The following ZFC3H1 variants were observed in gnomAD, a reference collection of about 807,000 sequenced individuals.
ZFC3H1 encodes zinc finger C3H1-type containing.
A neutral mutation model predicts 243.7 loss-of-function variants in ZFC3H1; 71 were observed. The ratio of observed to expected loss-of-function variants is 0.29; its 90% CI spans 0.24 to 0.36. The LOEUF (loss-of-function observed/expected upper bound fraction) is 0.36, where lower values mean the gene tolerates loss of function less well. Among genes scored for constraint, ZFC3H1 ranks in the 10% least tolerant of loss-of-function variants. The probability of loss-of-function intolerance (pLI) is 1.00; values close to 1 mark genes in which losing one functional copy is unlikely to be tolerated. For synonymous variants in ZFC3H1, 838 were observed against 813.0 expected (o/e 1.03, Z -0.52); for missense variants, 1,966 against 2,317.1 (o/e 0.85, Z 3.11).
At position 71,627,909 on chromosome 12, in the gene ZFC3H1, A is replaced by T; in HGVS notation, c.3972T>A (p.Asn1324Lys). Reference protein sequence around the residue: ...KYAFQPENQINVPALDTVVTP... With the variant: ...KYAFQPENQIKVPALDTVVTP... ...TGACAACTGTATCCAGAGCTGGAAC[A>T]TTTATTTGGTTCTCTGGCTGGAAAG... The change falls in exon 21 of 35, where the codon AAT (asparagine) becomes AAA (lysine). Residue 1324 changes from asparagine (N) to lysine (K), a missense_variant. By Grantham distance (94) the Asn-to-Lys change is moderately conservative. Coordinates refer to ENST00000378743, the MANE Select transcript of ZFC3H1 (RefSeq NM_144982.5). The T allele has an allele frequency of 6.2e-7, 1 of 1,612,562 alleles. No homozygotes were observed. Among genetic ancestry groups the T allele is most frequent in the Non-Finnish European group, 8.5e-7 (1 of 1,179,582 alleles).
At chr12:71,626,494 A>G in intron 21 of ZFC3H1, 48 bp from the exon 22 acceptor site, 1 of 1,509,870 alleles carries the variant, frequency 6.6e-7, no homozygotes, top group Middle Eastern at 1.9e-4. Flanking sequence ...AACCTGCTTG[A>G]AAATTTAAAT....
chr12:71,634,585 T>C, intron 11 of ZFC3H1, 119 bp downstream of exon 11: 1 of 1,207,152 alleles, frequency 8.3e-7, no homozygotes, highest in Non-Finnish European at 1.1e-6. Context: ...TTATAAAACA[T>C]TAACTCTGTA....
intron 10 of ZFC3H1, among the ~76,000 whole-genome samples, chr12:71,635,090 A>C (rs923505293): frequency 2.6e-5 from 4 of 152,232 alleles, no homozygotes; most frequent in Non-Finnish European, 1.5e-5. Flanking sequence ...AAAAAACGAT[A>C]AAAGTTGTAC....
chr12:71,650,366 C>T (rs1183278136), intron 2 of ZFC3H1, among the ~76,000 whole-genome samples: 1 of 152,136 alleles, frequency 6.6e-6, no homozygotes, highest in Non-Finnish European at 1.5e-5. Context: ...CAGGTTTAAA[C>T]TGATCAAATG....
chr12:71,649,956 A>G (rs909214498), intron 2 of ZFC3H1, among the ~76,000 whole-genome samples: 2 of 152,254 alleles, frequency 1.3e-5, no homozygotes, highest in African/African-American at 2.4e-5. Context: ...TGGGAGGCCA[A>G]GGCGGGTGGA....
intron 6 of ZFC3H1, 38 bp from the exon 7 acceptor site, chr12:71,638,553 A>T (rs1744147341): frequency 8.2e-6 from 12 of 1,462,082 alleles, no homozygotes; most frequent in Non-Finnish European, 1.1e-5. Flanking sequence ...TAATAACAGA[A>T]ATACTTCATC....
Position 71,663,693 on chromosome 12 carries a change from A to C in ZFC3H1, c.-83T>G. On this transcript the variant is annotated 5_prime_UTR_variant, in exon 1 of 35. Transcript: ENST00000378743. ...ATTGCCTCGTTTCCCTTCTTTCCTA[A>C]CGGACTGGGTCGGTGCGGTCTTACC... 4 of 1,489,214 alleles carry C rather than the reference A, an allele frequency of 2.7e-6. No individual in the cohort carries two copies. Among genetic ancestry groups the C allele is most frequent in the Non-Finnish European group, 2.7e-6 (3 of 1,099,706 alleles). The allele number at this position is 1,489,214 out of a possible 1,614,324, so 92.3% of individuals were successfully genotyped here.
At chr12:71,613,232 T>G (rs377495231) in intron 31 of ZFC3H1, 103 bp downstream of exon 31, 8 of 745,112 alleles carry the variant, frequency 1.1e-5, no homozygotes, top group African/African-American at 7.2e-5. Flanking sequence ...CATGAGGACA[T>G]AGTGGAACAA....
chr12:71,622,017 T>A (rs534733122), intron 24 of ZFC3H1, among the ~76,000 whole-genome samples: 40 of 152,326 alleles, frequency 2.6e-4, no homozygotes, highest in Admixed American at 6.5e-4. Context: ...TTCTTGACAA[T>A]CAAGTATCAT....
chr12:71,632,460 A>G lies in ZFC3H1; in HGVS notation c.2872T>C (p.Ser958Pro). 6.2e-7 allele frequency: 1 copy of G among 1,600,758 alleles called. No homozygotes were observed. The highest frequency in any genetic ancestry group is 8.5e-7 in the Non-Finnish European group (1 of 1,178,620). ...TTCTCCATAGCAATTAGTTCTGCTG[A>G]ATGCTTTCTTGGACTTGATACTGGA... The part of the protein sequence containing the change: ...SSPVSSPRKH[S>P]AELIAMEKRR... The change falls in exon 15 of 35, where the codon TCA (serine) becomes CCA (proline). Residue 958 changes from serine (S) to proline (P), a missense_variant. Around this residue, in one of 4 missense-constraint regions of ZFC3H1, gnomAD observed 1,383 missense variants for 1,723.7 expected, o/e 0.80. Transcript: ENST00000378743.
At chr12:71,641,683 T>C (rs1880605895) in intron 6 of ZFC3H1, among the ~76,000 whole-genome samples, 1 of 152,218 alleles carries the variant, frequency 6.6e-6, no homozygotes, top group Admixed American at 6.5e-5. Context: ...ATGCCACTAG[T>C]ACTATCACTT....
intron 19 of ZFC3H1, among the ~76,000 whole-genome samples, chr12:71,629,299 GAGGCTGCAGGCACACGCC>G (rs1294026335): frequency 6.6e-6 from 1 of 151,654 alleles, no homozygotes; most frequent in Non-Finnish European, 1.5e-5. Context: ...CCAAGTAGCT[GAGGCTGCAGGCACACGCC>G]ACCACCACCC....
chr12:71,653,956 T>C (rs1334712306), intron 2 of ZFC3H1, among the ~76,000 whole-genome samples: 4 of 152,162 alleles, frequency 2.6e-5, no homozygotes, highest in Non-Finnish European at 4.4e-5. Flanking sequence ...GAGGTTGCAA[T>C]GAGCCAAGAT....
intron 2 of ZFC3H1, among the ~76,000 whole-genome samples, chr12:71,648,051 C>A (rs1039982916): frequency 6.6e-6 from 1 of 152,120 alleles, no homozygotes; most frequent in Non-Finnish European, 1.5e-5. Flanking sequence ...AATAAAGCCA[C>A]ACTTTTAATA....
chr12:71,662,497 T>TCCCC (rs150388437), intron 1 of ZFC3H1, among the ~76,000 whole-genome samples: 1 of 103,492 alleles, frequency 9.7e-6, no homozygotes, highest in Non-Finnish European at 1.9e-5. Flanking sequence ...TTTTTACCCC[T>TCCCC]CCCCCCCCCA....
chr12:71,638,404 C>A lies in ZFC3H1; in HGVS notation c.1725+14G>T, dbSNP rs9943836. 1.2e-6 allele frequency: 2 copies of A among 1,606,322 alleles called. No individual in the cohort carries two copies. The highest frequency in any genetic ancestry group is 2.2e-5 in the South Asian group (2 of 89,482). On this transcript the variant is annotated intron_variant, in intron 7 of 34. Coordinates refer to ENST00000378743, the MANE Select transcript of ZFC3H1 (RefSeq NM_144982.5). ...AAGACAAAATAATTTTCTTAGAAAT[C>A]AATTCTGACTTACAGAAACCTGAGG...
intron 2 of ZFC3H1, 75 bp downstream of exon 2, chr12:71,656,810 T>C (rs1460429436): frequency 1.4e-6 from 2 of 1,413,266 alleles, no homozygotes; most frequent in Non-Finnish European, 1.9e-6. Flanking sequence ...TTCAATGAAG[T>C]ACACTGCCAA....
intron 1 of ZFC3H1, among the ~76,000 whole-genome samples, chr12:71,657,691 AGTT>A (rs1881056061): frequency 1.3e-5 from 2 of 152,140 alleles, no homozygotes; most frequent in Admixed American, 1.3e-4. Flanking sequence ...AGATGCGGAT[AGTT>A]TACACTTCAG....
intron 1 of ZFC3H1, among the ~76,000 whole-genome samples, chr12:71,658,320 G>A (rs977861601): frequency 6.0e-5 from 7 of 116,814 alleles, no homozygotes; most frequent in African/African-American, 1.4e-4. Context: ...ACAGAGTCTC[G>A]CACTGTCAGC....
Sources: allele counts gnomAD v4.1 joint callset (sites outside exome capture counted in the v4.1 genomes callset), GRCh38; gene constraint gnomAD v4.1.1; regional missense constraint gnomAD v4.1.1; transcripts MANE v1.5; gene names NCBI Gene and HGNC (gene_info 2026-07-23, HGNC 2026-07-21).